RPN1: variants seen among roughly 807,000 people sequenced by gnomAD.
RPN1 encodes ribophorin I.
A neutral mutation model predicts 55.5 loss-of-function variants in RPN1; 12 were observed. That is an observed-to-expected ratio of 0.22 (90% CI 0.14 to 0.35). RPN1 has a LOEUF of 0.35. Among genes scored for constraint, RPN1 ranks in the 10% least tolerant of loss-of-function variants. The pLI, the probability that RPN1 is intolerant of heterozygous loss-of-function variation, is 1.00. For synonymous variants in RPN1, 317 were observed against 305.9 expected, an observed-to-expected ratio of 1.04 and a Z score of -0.38; for missense variants, 679 against 761.3, an observed-to-expected ratio of 0.89 and a Z score of 1.27.
intron 5 of RPN1, among the ~76,000 whole-genome samples, chr3:128,629,169 G>A (rs951922606): frequency 6.6e-6 from 1 of 152,046 alleles, no homozygotes; most frequent in African/African-American, 2.4e-5. Flanking sequence ...TTGACAGGAG[G>A]GGGTGGGGAG....
chr3:128,632,950 T>C (rs1419412449), intron 3 of RPN1, among the ~76,000 whole-genome samples: 1 of 152,088 alleles, frequency 6.6e-6, no homozygotes, highest in African/African-American at 2.4e-5. Context: ...TACCTCTCAA[T>C]AAGGCCCAAC....
rs1047500959 is a variant in RPN1, at chr3:128,633,854, G to A, written c.634-1697C>T. 4.0e-5 allele frequency among the ~76,000 whole-genome samples: 6 copies of A among 151,606 alleles called. No homozygotes were observed. The South Asian group carries it at 1.3e-3, about 32-fold the overall frequency. ...AAAAATTAGCCAGGTGTGGTGATGG[G>A]CGCCTGTAGTCCCAGATACTAAGGA... On this transcript the variant is annotated intron_variant, in intron 3 of 9. Transcript: ENST00000296255.
intron 1 of RPN1, among the ~76,000 whole-genome samples, chr3:128,646,599 T>C (rs912794902): frequency 1.3e-5 from 2 of 151,572 alleles, no homozygotes; most frequent in Non-Finnish European, 2.9e-5. Context: ...GGCAGGAGAA[T>C]TGCTTGAACC....
At position 128,648,506 on chromosome 3, in the gene RPN1, G is replaced by T. The variant is rs565202693; in HGVS notation, c.261+2034C>A. ...ACCCAGGAGGCAGAGGTTGCAGTGA[G>T]CCAAGATAGCGCCATTGCACTCCAG... On this transcript the variant is annotated intron_variant, in intron 1 of 9. Coordinates refer to ENST00000296255, the MANE Select transcript of RPN1 (RefSeq NM_002950.4). Among the ~76,000 whole-genome samples, 8 of 152,114 alleles carry T rather than the reference G, an allele frequency of 5.3e-5. No individual in the cohort carries two copies. The East Asian group carries it at 1.4e-3, about 26-fold the overall frequency.
chr3:128,650,520 G>T lies in RPN1; in HGVS notation c.261+20C>A. The T allele has an allele frequency of 6.6e-7, 1 of 1,519,858 alleles. No individual in the cohort carries two copies. The allele number at this position is 1,519,858 out of a possible 1,614,324, so 94.1% of individuals were successfully genotyped here. ...CGGGAAGGGTCCCGGGAGCGGCGGC[G>T]AGGGGTCGCCCACACTCACCTGCAC... is the stretch of plus-strand genomic sequence containing the variant. On this transcript the variant is annotated intron_variant, in intron 1 of 9. Transcript: ENST00000296255.
At chr3:128,627,027 C>T in intron 5 of RPN1, 195 bp from the exon 6 acceptor site, 1 of 571,750 alleles carries the variant, frequency 1.7e-6, no homozygotes, top group South Asian at 2.1e-5. Context: ...GGATGGGGGT[C>T]AAAACACCGA....
chr3:128,633,851 T>G (rs1201847138), intron 3 of RPN1, among the ~76,000 whole-genome samples: 1 of 150,952 alleles, frequency 6.6e-6, no homozygotes, highest in Non-Finnish European at 1.5e-5. Flanking sequence ...GGTGTGGTGA[T>G]GGGCGCCTGT....
At chr3:128,643,526 G>C (rs1342870130) in intron 2 of RPN1, among the ~76,000 whole-genome samples, 1 of 151,912 alleles carries the variant, frequency 6.6e-6, no homozygotes, top group Non-Finnish European at 1.5e-5. Flanking sequence ...GTGGGGCACG[G>C]TGGCTCACAT....
chr3:128,644,339 T>G (rs1025556303), intron 2 of RPN1, among the ~76,000 whole-genome samples: 1 of 152,186 alleles, frequency 6.6e-6, no homozygotes, highest in Non-Finnish European at 1.5e-5. Flanking sequence ...ATGTTGCTTA[T>G]TATCACATAC....
At chr3:128,643,788 T>C in intron 2 of RPN1, among the ~76,000 whole-genome samples, 1 of 146,002 alleles carries the variant, frequency 6.8e-6, no homozygotes. Context: ...AGAGCGAAAC[T>C]CTCTCAAAAA....
chr3:128,627,957 C>G (rs2069612130), intron 5 of RPN1, among the ~76,000 whole-genome samples: 1 of 152,252 alleles, frequency 6.6e-6, no homozygotes, highest in Non-Finnish European at 1.5e-5. Context: ...ACAATGTAAA[C>G]AATAATTAGA....
chr3:128,622,441 C>T lies in RPN1; in HGVS notation c.1396-32G>A, dbSNP rs769139150. On this transcript the variant is annotated intron_variant, in intron 8 of 9. Transcript: ENST00000296255. Reference sequence around the variant, plus strand: ...GAAGGAGAGGCACCATGTGTGACAACATCCAGGCTTGGGTCCACTCTGACC... The same window carrying T: ...GAAGGAGAGGCACCATGTGTGACAATATCCAGGCTTGGGTCCACTCTGACC... 3.7e-6 allele frequency: 6 copies of T among 1,612,662 alleles called. No individual in the cohort carries two copies. The Middle Eastern group carries it at 1.1e-3, about 288-fold the overall frequency.
At chr3:128,648,388 T>C (rs1432223644) in intron 1 of RPN1, among the ~76,000 whole-genome samples, 2 of 151,514 alleles carry the variant, frequency 1.3e-5, no homozygotes, top group Admixed American at 1.3e-4. Flanking sequence ...AGCAAGACTC[T>C]GCATCAAAAA....
chr3:128,636,656 T>C (rs1388243837), intron 3 of RPN1, among the ~76,000 whole-genome samples: 1 of 152,062 alleles, frequency 6.6e-6, no homozygotes, highest in African/African-American at 2.4e-5. Flanking sequence ...TGGGCTCAAG[T>C]AATCCTCCCA....
Position 128,625,944 on chromosome 3 carries a change from T to C in RPN1, c.1205A>G (p.Asp402Gly). The stretch of plus-strand genomic sequence containing the variant: ...AACAATCACAGGGCGGCCAAATGTG[T>C]CCAGATAGGTGTAGTGCAGCTCATC... ...APDELHYTYL[D>G]TFGRPVIVAY... The change falls in exon 7 of 10, where the codon GAC (aspartate) becomes GGC (glycine). Residue 402 changes from aspartate to glycine, a missense_variant. By Grantham distance (94) the Asp-to-Gly change is moderately conservative. This residue lies in a region of RPN1 where 306 missense variants were observed against 360.0 expected (regional missense o/e 0.85). Coordinates refer to ENST00000296255, the MANE Select transcript of RPN1 (RefSeq NM_002950.4). The C allele has an allele frequency of 1.2e-6, 2 of 1,613,668 alleles. No individual in the cohort carries two copies. The highest frequency in any genetic ancestry group is 1.7e-6 in the Non-Finnish European group (2 of 1,179,654).
intron 8 of RPN1, among the ~76,000 whole-genome samples, chr3:128,623,088 A>T (rs1310940541): frequency 6.6e-6 from 1 of 152,126 alleles, no homozygotes. Flanking sequence ...TCTCTACAAC[A>T]CCACAAATGT....
rs1022912364 is a variant in RPN1, at chr3:128,637,905, T to C, written c.527A>G (p.Lys176Arg). 27 of 1,614,038 alleles carry C rather than the reference T, an allele frequency of 1.7e-5. No individual in the cohort carries two copies. Among genetic ancestry groups the C allele is most frequent in the African/African-American group, 2.7e-5 (2 of 74,898 alleles). Residue 176 changes from lysine to arginine, a missense_variant, in exon 3 of 10, where the codon AAG becomes AGG. By Grantham distance (26) the Lys-to-Arg change is conservative. Around this residue, in one of 3 missense-constraint regions of RPN1, gnomAD observed 352 missense variants for 352.8 expected, o/e 1.00. Transcript: ENST00000296255. ...GCTCTCCACATTTCGAGAGGCAAGC[T>C]TCACACGCATGGTTTGTGTCTTCGT... ...YPTKTQTMRVKLASRNVESYT... is the reference protein window; with the variant it reads ...YPTKTQTMRVRLASRNVESYT...
At chr3:128,636,135 A>C (rs1343280831) in intron 3 of RPN1, among the ~76,000 whole-genome samples, 1 of 152,206 alleles carries the variant, frequency 6.6e-6, no homozygotes, top group Non-Finnish European at 1.5e-5. Flanking sequence ...CAAAACGAAC[A>C]GCCCTAACTA....
chr3:128,639,667 A>G (rs1010452787), intron 2 of RPN1, among the ~76,000 whole-genome samples: 3 of 151,840 alleles, frequency 2.0e-5, no homozygotes, highest in Admixed American at 2.0e-4. Context: ...GGCTCACCGC[A>G]ACCTCCGCCT....
Sources: allele counts gnomAD v4.1 joint callset (sites outside exome capture counted in the v4.1 genomes callset), GRCh38; gene constraint gnomAD v4.1.1; regional missense constraint gnomAD v4.1.1; transcripts MANE v1.5; gene names NCBI Gene and HGNC (gene_info 2026-07-23, HGNC 2026-07-21).